DUSP13B: variants seen among roughly 807,000 people sequenced by gnomAD.
DUSP13B encodes dual specificity phosphatase 13B, also known as dual specificity protein phosphatase 13B.
At chr10:75,104,500 G>A in the DUSP13B span, among the ~76,000 whole-genome samples, 1 of 152,144 alleles carries the variant, frequency 6.6e-6, no homozygotes, top group Admixed American at 6.5e-5. Flanking sequence ...GAGGTCAGAG[G>A]TCAGGGAGCC....
chr10:75,099,551 G>A, the DUSP13B span: 3 of 1,230,892 alleles, frequency 2.4e-6, no homozygotes, highest in Non-Finnish European at 3.0e-6. Context: ...TAGAATTCCA[G>A]GTGCTGGCTG....
At chr10:75,095,772 T>C in the DUSP13B span, 1 of 1,614,182 alleles carries the variant, frequency 6.2e-7, no homozygotes, top group Non-Finnish European at 8.5e-7. Context: ...CTGGATCAGC[T>C]TGCTCTTGTC....
the DUSP13B span, chr10:75,098,007 T>A: frequency 1.2e-6 from 1 of 835,542 alleles, no homozygotes; most frequent in Non-Finnish European, 1.8e-6. Flanking sequence ...GGGCTTCATC[T>A]ATTTCACATG....
chr10:75,100,905 G>A, the DUSP13B span, among the ~76,000 whole-genome samples: 1 of 152,268 alleles, frequency 6.6e-6, no homozygotes, highest in Non-Finnish European at 1.5e-5. Context: ...ATCGGGCAGA[G>A]GCACAGGCTT....
chr10:75,108,121 C>T, the DUSP13B span: 138 of 1,613,736 alleles, frequency 8.6e-5, no homozygotes, highest in African/African-American at 1.5e-3. Context: ...AAGTCAGGGC[C>T]GCCCTGACAG....
At chr10:75,107,424 G>A in the DUSP13B span, among the ~76,000 whole-genome samples, 11 of 152,144 alleles carry the variant, frequency 7.2e-5, no homozygotes, top group Admixed American at 5.2e-4. Flanking sequence ...AAAGTTGAGT[G>A]TTGCAGAGAA....
At chr10:75,101,883 C>G in the DUSP13B span, 1 of 1,367,042 alleles carries the variant, frequency 7.3e-7, no homozygotes, top group Non-Finnish European at 9.8e-7. Flanking sequence ...GAGTATCTGG[C>G]CCAGGCTGTG....
the DUSP13B span, among the ~76,000 whole-genome samples, chr10:75,106,484 G>T: frequency 1.1e-4 from 17 of 152,170 alleles, no homozygotes; most frequent in African/African-American, 3.9e-4. Flanking sequence ...TCCTCCACAG[G>T]CTTTCTTGAC....
At chr10:75,103,670 A>G in the DUSP13B span, among the ~76,000 whole-genome samples, 1 of 152,194 alleles carries the variant, frequency 6.6e-6, no homozygotes, top group Non-Finnish European at 1.5e-5. Flanking sequence ...CTGCAGCCAT[A>G]CCTGCACTGG....
the DUSP13B span, among the ~76,000 whole-genome samples, chr10:75,099,967 G>C: frequency 3.3e-5 from 5 of 152,138 alleles, no homozygotes; most frequent in African/African-American, 1.2e-4. Flanking sequence ...GGTGGAGTTG[G>C]GGAAGCCCCC....
At chr10:75,095,883 G>A in the DUSP13B span, 70 of 1,236,484 alleles carry the variant, frequency 5.7e-5, no homozygotes, top group Non-Finnish European at 7.0e-5. Context: ...AAACACCCCC[G>A]CCCACCACCC....
chr10:75,105,756 C>T, the DUSP13B span: 1 of 1,553,514 alleles, frequency 6.4e-7, no homozygotes, highest in South Asian at 1.2e-5. Flanking sequence ...ATCGGTGCTG[C>T]CTCACGGTGA....
the DUSP13B span, among the ~76,000 whole-genome samples, chr10:75,105,450 T>C: frequency 1.5e-4 from 23 of 152,238 alleles, no homozygotes; most frequent in African/African-American, 4.6e-4. Context: ...TACAGGAGAA[T>C]TGCCTAGGCC....
At chr10:75,095,336 T>C in the DUSP13B span, among the ~76,000 whole-genome samples, 3 of 152,304 alleles carry the variant, frequency 2.0e-5, no homozygotes, top group East Asian at 5.8e-4. Flanking sequence ...TGGCCTCTTA[T>C]GGAGGGATGT....
the DUSP13B span, chr10:75,099,645 G>A: frequency 1.2e-6 from 1 of 845,402 alleles, no homozygotes; most frequent in Non-Finnish European, 1.6e-6. Context: ...AAACCCCCAG[G>A]CCTCCTCTCT....
At chr10:75,108,375 C>A in the DUSP13B span, 1 of 1,309,202 alleles carries the variant, frequency 7.6e-7, no homozygotes, top group East Asian at 2.6e-5. Context: ...TACCCAGAGC[C>A]CCGCACTTTC....
chr10:75,108,478 G>A, the DUSP13B span, among the ~76,000 whole-genome samples: 7 of 152,164 alleles, frequency 4.6e-5, no homozygotes, highest in Non-Finnish European at 8.8e-5. Context: ...AGGACAGGAA[G>A]GAAGGGATTG....
At chr10:75,107,205 G>C in the DUSP13B span, among the ~76,000 whole-genome samples, 1 of 152,072 alleles carries the variant, frequency 6.6e-6, no homozygotes, top group Non-Finnish European at 1.5e-5. Context: ...TATGGTGGCG[G>C]ATGCCTGTAG....
the DUSP13B span, chr10:75,104,163 T>C: frequency 8.3e-7 from 1 of 1,198,818 alleles, no homozygotes; most frequent in Non-Finnish European, 1.1e-6. Flanking sequence ...TGGGACTTGT[T>C]GGGGCAGGGA....
Sources: gnomAD v4.1 joint callset for allele counts (sites outside exome capture counted in the v4.1 genomes callset) on GRCh38, gnomAD v4.1.1 for gene constraint, MANE v1.5 for transcripts, NCBI Gene and HGNC (gene_info 2026-07-23, HGNC 2026-07-21) for gene names.